Variants in PRORP observed in about 807,000 individuals in gnomAD.
PRORP encodes the protein mitochondrial ribonuclease P catalytic subunit.
Under a neutral mutation model 59.4 loss-of-function variants are expected in PRORP, and 51 were observed. The ratio of observed to expected loss-of-function variants is 0.86; its 90% confidence interval spans 0.69 to 1.08. The LOEUF is 1.08. Among genes scored for constraint, PRORP ranks in the 50% least tolerant of loss-of-function variants. The pLI is 0.00. For missense variants in PRORP, 646 were observed against 690.3 expected (o/e 0.94, Z 0.72); for synonymous variants, 231 against 245.6 (o/e 0.94, Z 0.55).
At chr14:35,266,345 C>T (rs1044065280) in intron 5 of PRORP, among the ~76,000 whole-genome samples, 5 of 150,750 alleles carry the variant, frequency 3.3e-5, no homozygotes, top group African/African-American at 9.8e-5. Context: ...ATTAGCCAGA[C>T]GTGGTGCACG....
At chr14:35,240,724 C>T (rs772095108) in intron 5 of PRORP, among the ~76,000 whole-genome samples, 4 of 152,204 alleles carry the variant, frequency 2.6e-5, no homozygotes, top group Admixed American at 6.5e-5. Context: ...CTCCTTGTTC[C>T]TCCTCCTCCA....
intron 4 of PRORP, among the ~76,000 whole-genome samples, chr14:35,176,333 G>A (rs986176953): frequency 6.6e-6 from 1 of 151,950 alleles, no homozygotes; most frequent in Non-Finnish European, 1.5e-5. Context: ...ACCTTGGGCA[G>A]TATGGCCATT....
chr14:35,146,290 G>C (rs1315533374), intron 4 of PRORP, among the ~76,000 whole-genome samples: 3 of 152,156 alleles, frequency 2.0e-5, no homozygotes, highest in Non-Finnish European at 4.4e-5. Flanking sequence ...TGAGTTTTTA[G>C]GGTTAAGTTT....
Position 35,216,157 on chromosome 14 carries a change from TAGAG to T in PRORP, c.1275+35388_1275+35391del, listed in dbSNP as rs146699268. Among the ~76,000 whole-genome samples the T allele has an allele frequency of 1.7e-3, 115 of 68,162 alleles. No individual in the cohort carries two copies. In the East Asian group the frequency reaches 0.021, roughly 12 times the overall value. The allele number at this position is 68,162 out of a possible 152,430, so 44.7% of individuals were successfully genotyped here. On this transcript the variant is annotated intron_variant, in intron 5 of 7. Coordinates refer to ENST00000534898, the MANE Select transcript of PRORP (RefSeq NM_014672.4). ...ATATATTTATATAATACATTTATAT[TAGAG>T]AGAGAGAAGGAGAGAGAGAGATAGT...
chr14:35,272,047 CAAAA>C (rs369960066), intron 7 of PRORP, among the ~76,000 whole-genome samples: 1 of 142,118 alleles, frequency 7.0e-6, no homozygotes, highest in Admixed American at 7.1e-5. Context: ...AAAAAAACAA[CAAAA>C]AAAAAACGGA....
At chr14:35,154,983 C>T (rs767190709) in intron 4 of PRORP, among the ~76,000 whole-genome samples, 1 of 152,168 alleles carries the variant, frequency 6.6e-6, no homozygotes, top group Non-Finnish European at 1.5e-5. Context: ...CAGCCTCAAC[C>T]TCCCGGGCTC....
At chr14:35,224,425 A>G (rs927259697) in intron 5 of PRORP, among the ~76,000 whole-genome samples, 17 of 152,202 alleles carry the variant, frequency 1.1e-4, no homozygotes, top group African/African-American at 4.1e-4. Flanking sequence ...GGAATCTCCT[A>G]TCAGATGGGA....
intron 4 of PRORP, among the ~76,000 whole-genome samples, chr14:35,152,527 C>T (rs566694924): frequency 6.6e-6 from 1 of 151,918 alleles, no homozygotes; most frequent in African/African-American, 2.4e-5. Flanking sequence ...GTGCCTCCCA[C>T]CTCCCGGATG....
At chr14:35,188,797 G>A (rs1595270696) in intron 5 of PRORP, among the ~76,000 whole-genome samples, 1 of 151,868 alleles carries the variant, frequency 6.6e-6, no homozygotes, top group South Asian at 2.1e-4. Flanking sequence ...CCAACATGGT[G>A]AAACTCTGTC....
At chr14:35,150,916 G>A (rs2047728768) in intron 4 of PRORP, among the ~76,000 whole-genome samples, 1 of 152,160 alleles carries the variant, frequency 6.6e-6, no homozygotes, top group Non-Finnish European at 1.5e-5. Context: ...GTGCAAAGGA[G>A]ATACTTGACT....
chr14:35,161,519 CT>C (rs58676286), intron 4 of PRORP, among the ~76,000 whole-genome samples: 2 of 152,058 alleles, frequency 1.3e-5, no homozygotes, highest in African/African-American at 4.8e-5. Flanking sequence ...AGAATTTTTT[CT>C]TTTTTTAAAG....
intron 7 of PRORP, among the ~76,000 whole-genome samples, chr14:35,271,201 C>A (rs1344371937): frequency 6.8e-6 from 1 of 147,368 alleles, no homozygotes. Flanking sequence ...CTCTGTCGCC[C>A]AGGCTGGAGT....
chr14:35,201,072 A>G (rs1440085753), intron 5 of PRORP, among the ~76,000 whole-genome samples: 1 of 152,154 alleles, frequency 6.6e-6, no homozygotes, highest in Non-Finnish European at 1.5e-5. Context: ...TGGGATTTTT[A>G]TGTTGTGTTT....
At chr14:35,258,055 T>TA (rs33929205) in intron 5 of PRORP, among the ~76,000 whole-genome samples, 2,152 of 144,380 alleles carry the variant, frequency 0.015, 56 homozygotes, top group African/African-American at 0.047. Flanking sequence ...CACATATGAG[T>TA]AAAAAAAAAA....
At chr14:35,272,581 A>T (rs2051220941) in intron 7 of PRORP, among the ~76,000 whole-genome samples, 1 of 152,220 alleles carries the variant, frequency 6.6e-6, no homozygotes, top group Non-Finnish European at 1.5e-5. Context: ...AAAGGTATTG[A>T]TCTTACATTT....
chr14:35,203,270 T>C (rs2049203394), intron 5 of PRORP, among the ~76,000 whole-genome samples: 2 of 152,326 alleles, frequency 1.3e-5, no homozygotes, highest in South Asian at 4.1e-4. Context: ...AAATTGGCAC[T>C]TCAGCTCAAT....
intron 5 of PRORP, among the ~76,000 whole-genome samples, chr14:35,236,351 T>C (rs2050214162): frequency 6.6e-6 from 1 of 152,194 alleles, no homozygotes; most frequent in South Asian, 2.1e-4. Context: ...CTTTAATCAC[T>C]AACTCATAAA....
intron 5 of PRORP, among the ~76,000 whole-genome samples, chr14:35,250,183 G>A (rs1394894236): frequency 3.3e-5 from 5 of 151,288 alleles, no homozygotes; most frequent in South Asian, 2.1e-4. Flanking sequence ...AGTGAGCCAC[G>A]ATCTCGCCAC....
intron 5 of PRORP, among the ~76,000 whole-genome samples, chr14:35,187,310 C>T (rs773263920): frequency 2.6e-5 from 4 of 152,136 alleles, no homozygotes; most frequent in Non-Finnish European, 5.9e-5. Context: ...CACATCCTCA[C>T]GAACACTTGT....
Sources: gnomAD v4.1 joint callset for allele counts (sites outside exome capture counted in the v4.1 genomes callset) on GRCh38, gnomAD v4.1.1 for gene constraint, MANE v1.5 for transcripts, NCBI Gene and HGNC (gene_info 2026-07-23, HGNC 2026-07-21) for gene names.